NCAM2: variants seen among roughly 807,000 people sequenced by gnomAD.
NCAM2 encodes N-CAM-2.
Under a neutral mutation model 98.1 loss-of-function variants are expected in NCAM2, and 30 were observed. That is an observed-to-expected ratio of 0.31 (90% CI 0.23 to 0.41). NCAM2 has a LOEUF of 0.41. NCAM2 is among the 10% of genes least tolerant of loss of function. The probability of loss-of-function intolerance (pLI) is 1.00; values close to 1 mark genes in which losing one functional copy is unlikely to be tolerated. For missense variants in NCAM2, 867 were observed against 1,005.8 expected (o/e 0.86, Z 1.87); for synonymous variants, 368 against 342.4 (o/e 1.07, Z -0.83).
chr21:21,116,637 G>A (rs936699291), intron 1 of NCAM2, among the ~76,000 whole-genome samples: 4 of 152,174 alleles, frequency 2.6e-5, no homozygotes, highest in Non-Finnish European at 5.9e-5. Context: ...GGTGGATCAC[G>A]AGGTCAGGAG....
chr21:21,002,930 A>G (rs996943287), intron 1 of NCAM2, among the ~76,000 whole-genome samples: 2 of 152,148 alleles, frequency 1.3e-5, no homozygotes, highest in African/African-American at 2.4e-5. Flanking sequence ...TCCAAATTAC[A>G]TGATATGAGA....
chr21:21,452,523 T>A (rs1300050534), intron 12 of NCAM2, among the ~76,000 whole-genome samples: 1 of 129,128 alleles, frequency 7.7e-6, no homozygotes, highest in Non-Finnish European at 1.6e-5. Context: ...ATATAAAATA[T>A]ATTATATATT....
intron 16 of NCAM2, among the ~76,000 whole-genome samples, chr21:21,509,578 T>G (rs1242309924): frequency 1.3e-5 from 2 of 152,194 alleles, no homozygotes; most frequent in Non-Finnish European, 2.9e-5. Context: ...GAATATACTA[T>G]TCTAAAATTT....
At chr21:21,120,087 A>G (rs1395795074) in intron 1 of NCAM2, among the ~76,000 whole-genome samples, 1 of 152,170 alleles carries the variant, frequency 6.6e-6, no homozygotes, top group Non-Finnish European at 1.5e-5. Flanking sequence ...TCTGCTGCTT[A>G]TTTCGTTGGA....
chr21:21,525,554 C>G (rs1052339172), intron 16 of NCAM2, among the ~76,000 whole-genome samples: 1 of 152,018 alleles, frequency 6.6e-6, no homozygotes, highest in Non-Finnish European at 1.5e-5. Flanking sequence ...GCACCAAGCC[C>G]AGACAAGTTC....
chr21:21,167,148 G>A (rs7282874), intron 1 of NCAM2, among the ~76,000 whole-genome samples: 2,053 of 152,010 alleles, frequency 0.014, 41 homozygotes, highest in African/African-American at 0.046. Flanking sequence ...AATTACTACT[G>A]GGTGAGTGGG....
At chr21:21,205,213 C>T (rs2069391315) in intron 1 of NCAM2, among the ~76,000 whole-genome samples, 2 of 152,140 alleles carry the variant, frequency 1.3e-5, no homozygotes, top group Admixed American at 6.6e-5. Context: ...ACAAACTGAA[C>T]ATTTGTTTAT....
At chr21:21,117,798 CCTTTA>C (rs1443418753) in intron 1 of NCAM2, among the ~76,000 whole-genome samples, 1 of 152,052 alleles carries the variant, frequency 6.6e-6, no homozygotes, top group Non-Finnish European at 1.5e-5. Flanking sequence ...ATCGTGGTCT[CCTTTA>C]CTTGATTTCA....
At chr21:21,116,355 A>T (rs2066559322) in intron 1 of NCAM2, among the ~76,000 whole-genome samples, 2 of 152,142 alleles carry the variant, frequency 1.3e-5, no homozygotes, top group African/African-American at 4.8e-5. Flanking sequence ...TATAATGTGG[A>T]AAACCTGCTC....
chr21:21,201,373 C>T (rs999817883), intron 1 of NCAM2, among the ~76,000 whole-genome samples: 3 of 152,184 alleles, frequency 2.0e-5, no homozygotes, highest in East Asian at 1.9e-4. Context: ...ACAGGTGCCA[C>T]GGCCTGTGAC....
intron 1 of NCAM2, among the ~76,000 whole-genome samples, chr21:21,019,876 C>A (rs1204978808): frequency 6.6e-6 from 1 of 152,074 alleles, no homozygotes; most frequent in African/African-American, 2.4e-5. Context: ...TAGATCCTTT[C>A]TGCTTCTCTG....
chr21:21,274,764 C>T (rs189287175), intron 1 of NCAM2, among the ~76,000 whole-genome samples: 2 of 152,202 alleles, frequency 1.3e-5, no homozygotes, highest in Admixed American at 1.3e-4. Flanking sequence ...TGTTGCAGCT[C>T]GTTGTCCCAA....
chr21:21,485,248 T>G (rs1986249299), intron 15 of NCAM2, among the ~76,000 whole-genome samples: 2 of 152,184 alleles, frequency 1.3e-5, no homozygotes, highest in South Asian at 4.1e-4. Context: ...ATCTCTGCAA[T>G]TTTCCCAGAA....
chr21:21,259,123 C>T (rs927649203), intron 1 of NCAM2, among the ~76,000 whole-genome samples: 2 of 152,026 alleles, frequency 1.3e-5, no homozygotes, highest in Non-Finnish European at 2.9e-5. Flanking sequence ...GGCTCCACTC[C>T]CCCTGAAAAT....
chr21:21,280,948 T>A (rs1472363062), intron 2 of NCAM2, among the ~76,000 whole-genome samples: 1 of 151,836 alleles, frequency 6.6e-6, no homozygotes, highest in Admixed American at 6.6e-5. Flanking sequence ...GCCTGGCTAA[T>A]TTTTGTCTTT....
intron 1 of NCAM2, among the ~76,000 whole-genome samples, chr21:21,059,011 A>AT (rs2065269436): frequency 6.6e-6 from 1 of 152,098 alleles, no homozygotes; most frequent in East Asian, 1.9e-4. Flanking sequence ...CCTTGACTGC[A>AT]TATCTCTGTC....
chr21:21,471,013 A>G (rs981332878), intron 14 of NCAM2, among the ~76,000 whole-genome samples: 12 of 152,012 alleles, frequency 7.9e-5, no homozygotes, highest in African/African-American at 2.7e-4. Flanking sequence ...TCAAGCGCCA[A>G]TGGAAAGTTA....
At position 21,277,026 on chromosome 21, in the gene NCAM2, T is replaced by C. The variant is rs985545376; in HGVS notation, c.56-3552T>C. Among the ~76,000 whole-genome samples, 33 of 152,074 alleles carry C rather than the reference T, an allele frequency of 2.2e-4. 1 individual carries two copies. On this transcript the variant is annotated intron_variant, in intron 1 of 17. Coordinates refer to ENST00000400546, the MANE Select transcript of NCAM2 (RefSeq NM_004540.5). ...CAGAACTGTATTTGACTTTTAAAAT[T>C]TCTATAGCTTTCAAGTTCTTTTTTA... is the stretch of plus-strand genomic sequence containing the variant.
At chr21:21,469,609 T>A (rs1476281354) in intron 14 of NCAM2, among the ~76,000 whole-genome samples, 2 of 152,024 alleles carry the variant, frequency 1.3e-5, no homozygotes, top group Admixed American at 6.6e-5. Context: ...TAGCAGATCA[T>A]GTTTAAAATA....
Sources: gnomAD v4.1 joint callset for allele counts (sites outside exome capture counted in the v4.1 genomes callset) on GRCh38, gnomAD v4.1.1 for gene constraint, MANE v1.5 for transcripts, NCBI Gene and HGNC (gene_info 2026-07-23, HGNC 2026-07-21) for gene names.